RALYL: variants seen among roughly 807,000 people sequenced by gnomAD.
RALYL encodes RNA-binding Raly-like protein.
Under a neutral mutation model 35.1 loss-of-function variants are expected in RALYL, and 29 were observed. The observed-to-expected ratio is 0.83, with a 90% CI of 0.61 to 1.13. The LOEUF (loss-of-function observed/expected upper bound fraction) is 1.13. RALYL is among the 50% of genes most tolerant of loss of function. The pLI, the probability that RALYL is intolerant of heterozygous loss-of-function variation, is 0.00. For synonymous variants in RALYL, 120 were observed against 127.6 expected (o/e 0.94, Z 0.40); for missense variants, 359 against 360.4 (o/e 1.00, Z 0.03).
intron 2 of RALYL, among the ~76,000 whole-genome samples, chr8:84,636,457 A>G (rs1001055997): frequency 6.6e-6 from 1 of 151,754 alleles, no homozygotes; most frequent in African/African-American, 2.4e-5. Flanking sequence ...TTTTATAACA[A>G]TAAAAGTATC....
At chr8:84,664,026 C>T (rs1174079352) in intron 2 of RALYL, among the ~76,000 whole-genome samples, 1 of 152,114 alleles carries the variant, frequency 6.6e-6, no homozygotes, top group African/African-American at 2.4e-5. Flanking sequence ...TTTCAATCTT[C>T]TGCATATGCC....
At chr8:84,850,415 A>G (rs939683843) in intron 5 of RALYL, among the ~76,000 whole-genome samples, 4 of 152,216 alleles carry the variant, frequency 2.6e-5, no homozygotes, top group Non-Finnish European at 2.9e-5. Context: ...TGAAAATGCT[A>G]TATTGGGTAG....
intron 1 of RALYL, among the ~76,000 whole-genome samples, chr8:84,208,635 A>G (rs906658725): frequency 3.9e-5 from 6 of 152,060 alleles, no homozygotes; most frequent in African/African-American, 1.4e-4. Context: ...CTCATCCCAC[A>G]CTTTTCTTGC....
chr8:84,512,647 G>A (rs148503004), intron 1 of RALYL, among the ~76,000 whole-genome samples: 2 of 152,184 alleles, frequency 1.3e-5, no homozygotes, highest in East Asian at 3.9e-4. Context: ...TTTCCTTTAA[G>A]TGGTTTCATA....
At chr8:84,630,871 C>A (rs1489480558) in intron 2 of RALYL, among the ~76,000 whole-genome samples, 1 of 151,704 alleles carries the variant, frequency 6.6e-6, no homozygotes, top group Admixed American at 6.6e-5. Flanking sequence ...ACTTGGAATG[C>A]AAGAAGAAAA....
At chr8:84,232,327 C>T (rs1825564223) in intron 1 of RALYL, among the ~76,000 whole-genome samples, 1 of 151,970 alleles carries the variant, frequency 6.6e-6, no homozygotes, top group African/African-American at 2.4e-5. Context: ...TTGTGTTCAA[C>T]ACAAGTGAGA....
chr8:84,641,935 A>G (rs1826435846), intron 2 of RALYL, among the ~76,000 whole-genome samples: 1 of 151,950 alleles, frequency 6.6e-6, no homozygotes, highest in African/African-American at 2.4e-5. Context: ...ATGTATGCCC[A>G]TGCTTCCAAA....
chr8:84,222,568 CT>C (rs1426754257), intron 1 of RALYL, among the ~76,000 whole-genome samples: 10 of 152,132 alleles, frequency 6.6e-5, no homozygotes, highest in Non-Finnish European at 1.5e-4. Context: ...ATGCAGAATA[CT>C]TTATCCCACC....
intron 1 of RALYL, among the ~76,000 whole-genome samples, chr8:84,369,937 G>C (rs1295670492): frequency 6.6e-6 from 1 of 152,090 alleles, no homozygotes; most frequent in Non-Finnish European, 1.5e-5. Context: ...AGACGGATTA[G>C]AGACATTCAG....
At chr8:84,358,597 G>T (rs1042822790) in intron 1 of RALYL, among the ~76,000 whole-genome samples, 3 of 151,948 alleles carry the variant, frequency 2.0e-5, no homozygotes, top group Non-Finnish European at 2.9e-5. Flanking sequence ...AAGAAATGAT[G>T]GGTATGTGAA....
intron 1 of RALYL, among the ~76,000 whole-genome samples, chr8:84,379,861 CAA>C (rs201626471): frequency 2.4e-5 from 3 of 126,456 alleles, no homozygotes. Flanking sequence ...CTCTCAAGCT[CAA>C]AAAAAAAAAA....
In RALYL at chr8:84,887,725, G is replaced by T; in HGVS notation, c.807G>T (p.Glu269Asp). 6.2e-7 allele frequency: 1 copy of T among 1,613,940 alleles called. No individual in the cohort carries two copies. Among genetic ancestry groups the T allele is most frequent in the African/African-American group, 1.3e-5 (1 of 75,060 alleles). ...AEGGPDADGE[E>D]MTDGIEEDFD... Reference sequence around the variant, plus strand: ...GAGGGCCAGATGCCGATGGAGAAGAGATGACAGATGGGATAGAGGAGGACT... The same window carrying T: ...GAGGGCCAGATGCCGATGGAGAAGATATGACAGATGGGATAGAGGAGGACT... The change falls in exon 8 of 9, where the codon GAG (glutamate) becomes GAT (aspartate). Residue 269 changes from glutamate (E) to aspartate (D), a missense_variant. Physicochemically the swap from Glu to Asp is conservative, Grantham distance 45. Transcript: ENST00000521268.
intron 1 of RALYL, among the ~76,000 whole-genome samples, chr8:84,461,667 G>C (rs1018252007): frequency 2.6e-5 from 4 of 151,602 alleles, no homozygotes; most frequent in Admixed American, 2.6e-4. Context: ...AAAAAAGAAT[G>C]TTATACTTCT....
intron 1 of RALYL, among the ~76,000 whole-genome samples, chr8:84,196,204 A>T (rs916084661): frequency 6.6e-6 from 1 of 152,164 alleles, no homozygotes; most frequent in Non-Finnish European, 1.5e-5. Flanking sequence ...TTTATTTCAT[A>T]ATTGCTGGAT....
At chr8:84,409,544 G>A (rs2043892162) in intron 1 of RALYL, among the ~76,000 whole-genome samples, 1 of 151,930 alleles carries the variant, frequency 6.6e-6, no homozygotes, top group African/African-American at 2.4e-5. Context: ...TAATATAATT[G>A]CACTTTATAG....
At chr8:84,761,285 A>G (rs1812630869) in intron 2 of RALYL, among the ~76,000 whole-genome samples, 1 of 138,222 alleles carries the variant, frequency 7.2e-6, no homozygotes, top group Non-Finnish European at 1.5e-5. Flanking sequence ...AATTAGAAAT[A>G]ATACAGAAAA....
chr8:84,915,404 C>T (rs1206826520), intron 8 of RALYL, among the ~76,000 whole-genome samples: 1 of 152,048 alleles, frequency 6.6e-6, no homozygotes, highest in African/African-American at 2.4e-5. Context: ...AACCCCCTGA[C>T]ACTTCAATAC....
chr8:84,184,758 T>G, intron 1 of RALYL: 11 of 381,314 alleles, frequency 2.9e-5, no homozygotes, highest in East Asian at 4.3e-5. Flanking sequence ...CGGCGGGCCC[T>G]GTAAGTTCTC....
intron 1 of RALYL, among the ~76,000 whole-genome samples, chr8:84,247,535 AAAAAAAAAAAG>A (rs1829350939): frequency 2.0e-5 from 3 of 147,638 alleles, no homozygotes; most frequent in Admixed American, 2.0e-4. Flanking sequence ...TTTAAATTTA[AAAAAAAAAAAG>A]AAAAAAAAAC....
Sources: gnomAD v4.1 joint callset for allele counts (sites outside exome capture counted in the v4.1 genomes callset) on GRCh38, gnomAD v4.1.1 for gene constraint, MANE v1.5 for transcripts, NCBI Gene and HGNC (gene_info 2026-07-23, HGNC 2026-07-21) for gene names.